BLOC1S5: variants seen among roughly 807,000 people sequenced by gnomAD.
BLOC1S5 encodes biogenesis of lysosomal organelles complex 1 subunit 5.
A neutral mutation model predicts 24.3 loss-of-function variants in BLOC1S5; 27 were observed. The observed-to-expected ratio is 1.11, with a 90% CI of 0.82 to 1.53. The LOEUF is 1.53. Ranked by LOEUF, BLOC1S5 falls within the 40% of genes most tolerant of loss-of-function variation. The pLI, the probability that BLOC1S5 is intolerant of heterozygous loss-of-function variation, is 0.00. For missense variants in BLOC1S5, 239 were observed against 229.4 expected (o/e 1.04, Z -0.27); for synonymous variants, 84 against 74.5 (o/e 1.13, Z -0.66).
intron 2 of BLOC1S5, among the ~76,000 whole-genome samples, chr6:8,052,234 TGG>T (rs1254599618): frequency 6.6e-6 from 1 of 152,156 alleles, no homozygotes; most frequent in African/African-American, 2.4e-5. Context: ...CCCAAAGTGC[TGG>T]GATTACAGGC....
chr6:8,058,357 GAAAA>G (rs60827828), intron 2 of BLOC1S5, among the ~76,000 whole-genome samples: 193 of 84,362 alleles, frequency 2.3e-3, no homozygotes, highest in African/African-American at 6.3e-3. Flanking sequence ...CTGTCTCTAT[GAAAA>G]AAAAAAAAAA....
chr6:8,044,418 A>T (rs1444025344), intron 2 of BLOC1S5, among the ~76,000 whole-genome samples: 1 of 152,156 alleles, frequency 6.6e-6, no homozygotes, highest in East Asian at 1.9e-4. Flanking sequence ...CTTTATCAGT[A>T]GAGTGAAAAC....
At chr6:8,047,032 C>T (rs992254667) in intron 2 of BLOC1S5, among the ~76,000 whole-genome samples, 3 of 152,044 alleles carry the variant, frequency 2.0e-5, no homozygotes, top group Non-Finnish European at 1.5e-5. Flanking sequence ...AATACTCCCA[C>T]CCTGGACTCC....
At chr6:8,031,097 C>G (rs571543984) in intron 3 of BLOC1S5, among the ~76,000 whole-genome samples, 1 of 152,282 alleles carries the variant, frequency 6.6e-6, no homozygotes, top group African/African-American at 2.4e-5. Context: ...TTCACCATTT[C>G]TATTCAACAT....
chr6:8,025,509 T>C (rs1171346350), intron 4 of BLOC1S5, among the ~76,000 whole-genome samples: 1 of 152,354 alleles, frequency 6.6e-6, no homozygotes, highest in East Asian at 1.9e-4. Flanking sequence ...CTGTCTTAAA[T>C]GTCAAGTCCT....
intron 4 of BLOC1S5, among the ~76,000 whole-genome samples, chr6:8,019,497 G>C (rs1320851991): frequency 6.6e-6 from 1 of 151,530 alleles, no homozygotes; most frequent in Non-Finnish European, 1.5e-5. Flanking sequence ...TTGAACTCCT[G>C]ACCTCAGGTG....
chr6:8,016,804 C>G (rs1028164665), intron 4 of BLOC1S5, among the ~76,000 whole-genome samples: 1 of 146,544 alleles, frequency 6.8e-6, no homozygotes, highest in Non-Finnish European at 1.5e-5. Flanking sequence ...CTGCTTGAAC[C>G]CAGGAGACAG....
In BLOC1S5 at chr6:8,040,140, T is replaced by C. The variant is rs114583427; in HGVS notation, c.325+999A>G. On this transcript the variant is annotated intron_variant, in intron 3 of 4. Transcript: ENST00000397457. ...CAGAAGTAACATCCTGAAGTGGAAC[T>C]TGAGCTCTGGAGGCAGAAGAGCTAG... Among the ~76,000 whole-genome samples the C allele has an allele frequency of 5.5e-3, 836 of 152,268 alleles. 5 individuals are homozygous for C. Among genetic ancestry groups the C allele is most frequent in the African/African-American group, 0.019 (792 of 41,542 alleles).
intron 2 of BLOC1S5, among the ~76,000 whole-genome samples, chr6:8,048,204 T>C (rs1581425210): frequency 6.6e-6 from 1 of 152,362 alleles, no homozygotes; most frequent in East Asian, 1.9e-4. Context: ...GGCTCTGGAA[T>C]GCTTCAGACA....
At chr6:8,017,890 G>A (rs531606744) in intron 4 of BLOC1S5, 2 of 152,268 alleles carry the variant, frequency 1.3e-5, no homozygotes, top group South Asian at 2.1e-4. Flanking sequence ...GAAGTTTTAC[G>A]TAGGTAGCTA....
At chr6:8,019,433 C>T (rs986727507) in intron 4 of BLOC1S5, among the ~76,000 whole-genome samples, 1 of 151,934 alleles carries the variant, frequency 6.6e-6, no homozygotes, top group African/African-American at 2.4e-5. Flanking sequence ...CACACCTGGA[C>T]AATTTTTGTA....
At position 8,015,423 on chromosome 6, in the gene BLOC1S5, C is replaced by G. The variant is rs1157365703; in HGVS notation, c.*226G>C. The stretch of plus-strand genomic sequence containing the variant: ...ATTGATTCCATTTTCCTTCCTACTC[C>G]TCTTCATTCAAATAATCATATATAG... On this transcript the variant is annotated 3_prime_UTR_variant, in exon 5 of 5. Transcript: ENST00000397457. 2.2e-6 allele frequency: 1 copy of G among 462,228 alleles called. No homozygotes were observed. Among genetic ancestry groups the G allele is most frequent in the Non-Finnish European group, 3.8e-6 (1 of 263,802 alleles). The allele number at this position is 462,228 out of a possible 1,614,324, so 28.6% of individuals were successfully genotyped here.
chr6:8,054,181 G>A (rs774400874), intron 2 of BLOC1S5: 6 of 398,530 alleles, frequency 1.5e-5, no homozygotes, highest in African/African-American at 2.1e-5. Flanking sequence ...CCTCCTTTTT[G>A]GGATCCAATT....
chr6:8,060,718 C>A (rs1349413793), intron 2 of BLOC1S5, among the ~76,000 whole-genome samples: 1 of 152,176 alleles, frequency 6.6e-6, no homozygotes, highest in Non-Finnish European at 1.5e-5. Context: ...CATTTAAGAA[C>A]TAAATCCACA....
chr6:8,015,561 A>C lies in BLOC1S5; in HGVS notation c.*88T>G. On this transcript the variant is annotated 3_prime_UTR_variant, in exon 5 of 5. Transcript: ENST00000397457. ...CCACTGAATATATTGCTAAGCTTGA[A>C]GCAGAGGCTAAACGGTCTGGTGGGA... 7.6e-7 allele frequency: 1 copy of C among 1,317,216 alleles called. No homozygotes were observed. The highest frequency in any genetic ancestry group is 2.3e-5 in the East Asian group (1 of 42,624). The allele number at this position is 1,317,216 out of a possible 1,614,324, so 81.6% of individuals were successfully genotyped here.
chr6:8,020,518 G>C (rs77212290), intron 4 of BLOC1S5, among the ~76,000 whole-genome samples: 5,952 of 152,208 alleles, frequency 0.039, 371 homozygotes, highest in African/African-American at 0.13. Context: ...CCAGATTCCA[G>C]AGGCTCTCCC....
rs1172748268 is a variant in BLOC1S5, at chr6:8,041,678, G to A, written c.196-410C>T. On this transcript the variant is annotated intron_variant, in intron 2 of 4. Transcript: ENST00000397457. ...TTCTTTTTTTTTGAGATGCAGTCTC[G>A]CCCTGTCGCCCAGACTGGAGTGCGG... Among the ~76,000 whole-genome samples the A allele has an allele frequency of 7.1e-5, 6 of 83,952 alleles. No homozygotes were observed. The East Asian group carries it at 6.8e-3, about 95-fold the overall frequency. 55.1% of individuals were successfully genotyped at this position (83,952 alleles called of 152,430 possible). A position where few individuals can be genotyped will look rare whatever the true frequency, so the allele number is the denominator to read the frequency against.
Position 8,032,922 on chromosome 6 carries a change from G to A in BLOC1S5, c.326-6497C>T, listed in dbSNP as rs573389346. Among the ~76,000 whole-genome samples, 7 of 152,274 alleles carry A rather than the reference G, an allele frequency of 4.6e-5. No homozygotes were observed. The South Asian group carries it at 1.5e-3, about 32-fold the overall frequency. On this transcript the variant is annotated intron_variant, in intron 3 of 4. Transcript: ENST00000397457. Reference sequence around the variant, plus strand: ...ATACCTAGGAATCCAACGTATAAGGGATGTGAAGGACCTCTTCAAGGAGAA... The same window carrying A: ...ATACCTAGGAATCCAACGTATAAGGAATGTGAAGGACCTCTTCAAGGAGAA...
At chr6:8,030,011 C>A (rs1349480125) in intron 3 of BLOC1S5, among the ~76,000 whole-genome samples, 3 of 152,080 alleles carry the variant, frequency 2.0e-5, no homozygotes, top group African/African-American at 7.2e-5. Context: ...CCTAAACAGA[C>A]AAAGCAAAGA....
Sources: gnomAD v4.1 joint callset for allele counts (sites outside exome capture counted in the v4.1 genomes callset) on GRCh38, gnomAD v4.1.1 for gene constraint, MANE v1.5 for transcripts, NCBI Gene and HGNC (gene_info 2026-07-23, HGNC 2026-07-21) for gene names.